The following PSIP1 variants were observed in gnomAD, a reference collection of about 807,000 sequenced individuals.
PSIP1 encodes PC4 and SFRS1-interacting protein.
PSIP1 carries 19 observed loss-of-function variants against 74.7 expected under a neutral mutation model. The ratio of observed to expected loss-of-function variants is 0.25; its 90% confidence interval spans 0.18 to 0.37. The LOEUF is 0.37. Among genes scored for constraint, PSIP1 ranks in the 10% least tolerant of loss-of-function variants. The pLI is 1.00. For missense variants in PSIP1, 601 were observed against 614.3 expected (o/e 0.98, Z 0.23); for synonymous variants, 222 against 195.3 (o/e 1.14, Z -1.14).
chr9:15,469,976 C>T lies in PSIP1; in HGVS notation c.995G>A (p.Gly332Glu), dbSNP rs200620037. The change falls in exon 11 of 16, where the codon GGA becomes GAA. Residue 332 changes from glycine (G) to glutamate (E), a missense_variant. Coordinates refer to ENST00000380733, the MANE Select transcript of PSIP1 (RefSeq NM_033222.5). ...CACTTTCTTAACTTCTGGCTTCTTT[C>T]CTTCATCTTTATTCTGCCTATCAAA... ...METEQQNKDE[G>E]KKPEVKKVEK... 10 of 1,607,594 alleles carry T rather than the reference C, an allele frequency of 6.2e-6. No homozygotes were observed. The highest frequency in any genetic ancestry group is 7.6e-6 in the Non-Finnish European group (9 of 1,178,212).
intron 4 of PSIP1, among the ~76,000 whole-genome samples, chr9:15,487,972 G>C (rs1054358884): frequency 2.0e-5 from 3 of 152,160 alleles, no homozygotes; most frequent in African/African-American, 4.8e-5. Context: ...AGATAGAACA[G>C]TATCTAAAAA....
chr9:15,480,544 A>G (rs772130127), intron 6 of PSIP1, among the ~76,000 whole-genome samples: 3 of 152,238 alleles, frequency 2.0e-5, no homozygotes, highest in Non-Finnish European at 2.9e-5. Context: ...TTGACTACCA[A>G]TGATCAATAA....
intron 3 of PSIP1, among the ~76,000 whole-genome samples, chr9:15,495,534 C>A (rs144179578): frequency 6.6e-6 from 1 of 152,202 alleles, no homozygotes; most frequent in East Asian, 1.9e-4. Context: ...ATTAGGAACA[C>A]TGATATTAAA....
rs556430533 is a variant in PSIP1 at position 15,489,928 on chromosome 9, T to C, written c.288+58A>G. On this transcript the variant is annotated intron_variant, in intron 4 of 15. Coordinates refer to ENST00000380733, the MANE Select transcript of PSIP1 (RefSeq NM_033222.5). ...AGTATTTACTTTCCTACAGCTAGGA[T>C]AGTGATTATTCCCCAGGATTAAATA... 28 of 1,332,678 alleles carry C rather than the reference T, an allele frequency of 2.1e-5. No individual in the cohort carries two copies. In the East Asian group the frequency reaches 6.5e-4, roughly 31 times the overall value. 82.6% of individuals were successfully genotyped at this position (1,332,678 alleles called of 1,614,324 possible).
chr9:15,470,120 ACTGTAGCT>A, intron 10 of PSIP1, 127 bp from the exon 11 acceptor site: 1 of 698,214 alleles, frequency 1.4e-6, no homozygotes, highest in East Asian at 2.7e-5. Context: ...AAAGGAACTG[ACTGTAGCT>A]CTTAGAATGG....
rs149101344 is a variant in PSIP1 at position 15,478,106 on chromosome 9, G to A, written c.629+371C>T. On this transcript the variant is annotated intron_variant, in intron 8 of 15. Coordinates refer to ENST00000380733, the MANE Select transcript of PSIP1 (RefSeq NM_033222.5). Reference sequence around the variant, plus strand: ...TGCAGCACTGCACTCCAGCCTGGGCGACAGAGTGAAACCCCATCTTTAAAA... The same window carrying A: ...TGCAGCACTGCACTCCAGCCTGGGCAACAGAGTGAAACCCCATCTTTAAAA... Among the ~76,000 whole-genome samples, 679 of 139,764 alleles carry A rather than the reference G, an allele frequency of 4.9e-3. 2 individuals carry two copies. The highest frequency in any genetic ancestry group is 0.016 in the African/African-American group (614 of 37,248). The allele number at this position is 139,764 out of a possible 152,430, so 91.7% of individuals were successfully genotyped here.
At position 15,484,911 on chromosome 9, in the gene PSIP1, CAAAAAA is replaced by C. The variant is rs59867087; in HGVS notation, c.456+1089_456+1094del. 2.2e-3 allele frequency among the ~76,000 whole-genome samples: 179 copies of C among 81,870 alleles called. 1 individual carries two copies. The highest frequency in any genetic ancestry group is 3.5e-3 in the Non-Finnish European group (142 of 41,142). The allele number at this position is 81,870 out of a possible 152,430, so 53.7% of individuals were successfully genotyped here. On this transcript the variant is annotated intron_variant, in intron 6 of 15. Coordinates refer to ENST00000380733, the MANE Select transcript of PSIP1 (RefSeq NM_033222.5). The stretch of plus-strand genomic sequence containing the variant: ...CTGGATGACAGAGCGAGATCCGTCT[CAAAAAA>C]AAAAAAAAAAAAAAAAATTAGCCGG...
rs2035791312 is a variant in PSIP1, at chr9:15,470,804, C to A, written c.978-811G>T. ...GGCCCCATTCTCAGGGATATAACTGCTATTCCAGTTTAATAACTAGCTTCA... is the reference window on the plus strand; with the variant it reads ...GGCCCCATTCTCAGGGATATAACTGATATTCCAGTTTAATAACTAGCTTCA... On this transcript the variant is annotated intron_variant, in intron 10 of 15. Transcript: ENST00000380733. 5 of 1,018,780 alleles carry A rather than the reference C, an allele frequency of 4.9e-6. No individual in the cohort carries two copies. The South Asian group carries it at 2.3e-4, about 47-fold the overall frequency. The allele number at this position is 1,018,780 out of a possible 1,614,324, so 63.1% of individuals were successfully genotyped here. A position where few individuals can be genotyped will look rare whatever the true frequency, so the allele number is the denominator to read the frequency against.
chr9:15,471,388 G>A (rs1206432566), intron 10 of PSIP1: 1 of 1,523,666 alleles, frequency 6.6e-7, no homozygotes, highest in East Asian at 2.3e-5. Context: ...AAGTTACATT[G>A]GAGGACATTC....
intron 2 of PSIP1, among the ~76,000 whole-genome samples, chr9:15,507,574 G>A (rs1394952403): frequency 5.3e-5 from 8 of 152,068 alleles, no homozygotes; most frequent in Non-Finnish European, 1.2e-4. Context: ...GGCAACAGAG[G>A]TTGCAGTGAG....
intron 4 of PSIP1, among the ~76,000 whole-genome samples, chr9:15,487,314 G>C (rs922837690): frequency 6.6e-6 from 1 of 152,150 alleles, no homozygotes; most frequent in African/African-American, 2.4e-5. Context: ...ACAAAACGTA[G>C]TTGGGCACTG....
At chr9:15,501,868 A>ATATATATATATATATATATAT (rs1563897855) in intron 3 of PSIP1, among the ~76,000 whole-genome samples, 8 of 110,426 alleles carry the variant, frequency 7.2e-5, no homozygotes, top group African/African-American at 4.4e-4. Context: ...TATATATATA[A>ATATATATATATATATATATAT]AACGCACACC....
intron 4 of PSIP1, among the ~76,000 whole-genome samples, chr9:15,488,821 A>G (rs182697821): frequency 2.5e-4 from 38 of 151,624 alleles, no homozygotes; most frequent in Non-Finnish European, 3.5e-4. Context: ...GGAGATCGAG[A>G]CCATCCTGGC....
chr9:15,474,885 A>C (rs1038206280), intron 8 of PSIP1, among the ~76,000 whole-genome samples: 1 of 152,220 alleles, frequency 6.6e-6, no homozygotes, highest in Admixed American at 6.5e-5. Context: ...AGCTGGAATA[A>C]GCCGTTTAAA....
intron 2 of PSIP1, 99 bp downstream of exon 2, chr9:15,510,018 G>A (rs562787349): frequency 6.6e-6 from 8 of 1,211,512 alleles, no homozygotes; most frequent in African/African-American, 3.1e-5. Context: ...TAAAGCGAGG[G>A]AGAGAAAGGA....
intron 6 of PSIP1, among the ~76,000 whole-genome samples, chr9:15,481,229 C>G (rs2036322106): frequency 6.6e-6 from 1 of 152,134 alleles, no homozygotes; most frequent in Admixed American, 6.5e-5. Flanking sequence ...ATAAAGCTCC[C>G]CAGGTAACAA....
At chr9:15,470,106 C>A in intron 10 of PSIP1, 113 bp from the exon 11 acceptor site, 1 of 785,954 alleles carries the variant, frequency 1.3e-6, no homozygotes, top group South Asian at 1.5e-5. Context: ...ATAGCCTAGA[C>A]TGCAAAGGAA....
rs539529998 is a variant in PSIP1 at position 15,464,497 on chromosome 9, C to T, written c.*1023G>A. 1 of 200,740 alleles carries T rather than the reference C, an allele frequency of 5.0e-6. No homozygotes were observed. Among genetic ancestry groups the T allele is most frequent in the Non-Finnish European group, 1.0e-5 (1 of 97,702 alleles). 12.4% of individuals were successfully genotyped at this position (200,740 alleles called of 1,614,324 possible). A position where few individuals can be genotyped will look rare whatever the true frequency, so the allele number is the denominator to read the frequency against. On this transcript the variant is annotated 3_prime_UTR_variant, in exon 16 of 16. Coordinates refer to ENST00000380733, the MANE Select transcript of PSIP1 (RefSeq NM_033222.5). ...TAGTCCATACACGTCAATGTACAGA[C>T]TTATCAAAGTACAATGCTGGAACAA...
rs1387212278 is a variant in PSIP1, at chr9:15,510,270, G to C, written c.-82C>G. ...GCGCGGGGATGCGGGCGGCGGACGC[G>C]GGCCCAGCTACCGGGCCCGCGGGCG... On this transcript the variant is annotated 5_prime_UTR_variant, in exon 2 of 16. Transcript: ENST00000380733. The C allele has an allele frequency of 5.3e-6, 7 of 1,317,124 alleles. No individual in the cohort carries two copies. The highest frequency in any genetic ancestry group is 2.0e-5 in the Admixed American group (1 of 49,922). The allele number at this position is 1,317,124 out of a possible 1,614,324, so 81.6% of individuals were successfully genotyped here. A position where few individuals can be genotyped will look rare whatever the true frequency, so the allele number is the denominator to read the frequency against.
Sources: gnomAD v4.1 joint callset for allele counts (sites outside exome capture counted in the v4.1 genomes callset) on GRCh38, gnomAD v4.1.1 for gene constraint, MANE v1.5 for transcripts, NCBI Gene and HGNC (gene_info 2026-07-23, HGNC 2026-07-21) for gene names.